Variants in MTA3 observed in about 807,000 individuals in gnomAD.
The protein encoded by MTA3 is metastasis associated 1 family member 3.
In MTA3, 34 loss-of-function variants were observed where a neutral mutation model predicts 83.5. The observed-to-expected ratio is 0.41, with a 90% CI of 0.31 to 0.54. MTA3 has a LOEUF of 0.54. Among genes scored for constraint, MTA3 ranks in the 20% least tolerant of loss-of-function variants. MTA3 has a pLI of 0.33. For synonymous variants in MTA3, 303 were observed against 252.7 expected (o/e 1.20, Z -1.89); for missense variants, 761 against 726.4 (o/e 1.05, Z -0.55).
At chr2:42,643,972 C>T (rs926558748) in intron 5 of MTA3, among the ~76,000 whole-genome samples, 155 bp from the exon 6 acceptor site, 1 of 152,162 alleles carries the variant, frequency 6.6e-6, no homozygotes, top group Non-Finnish European at 1.5e-5. Context: ...GACGGTAACA[C>T]CATGCTCTCC....
chr2:42,751,962 T>A (rs996502254), intron 16 of MTA3, among the ~76,000 whole-genome samples: 2 of 152,138 alleles, frequency 1.3e-5, no homozygotes, highest in Non-Finnish European at 2.9e-5. Flanking sequence ...AGCAGCTTGG[T>A]GTAGTAGGAA....
chr2:42,596,777 C>T (rs1365486005), intron 3 of MTA3, among the ~76,000 whole-genome samples: 2 of 152,158 alleles, frequency 1.3e-5, no homozygotes, highest in Non-Finnish European at 2.9e-5. Flanking sequence ...TGGAAGAATA[C>T]AGGCTCATGT....
rs960334457 is a variant in MTA3 at position 42,545,261 on chromosome 2, G to T, written c.-140-25176G>T. Among the ~76,000 whole-genome samples the T allele has an allele frequency of 3.9e-5, 6 of 152,176 alleles. No individual in the cohort carries two copies. The South Asian group carries it at 1.2e-3, about 32-fold the overall frequency. ...GGTATGGTGGCACACGCCTGTACTC[G>T]CAGCTACTTGGGAGGCTGGGGTGAG... On this transcript the variant is annotated intron_variant, in intron 2 of 17. Transcript: ENST00000405592.
chr2:42,703,967 T>G (rs1665838263), intron 11 of MTA3: 1 of 427,396 alleles, frequency 2.3e-6, no homozygotes, highest in Non-Finnish European at 4.3e-6. Context: ...CAGTATTTAC[T>G]TCGTGAATGT....
chr2:42,711,815 T>TGTGTGTGTGTGTGTGTGTGTGTG (rs1558610257), intron 14 of MTA3, among the ~76,000 whole-genome samples: 2 of 151,496 alleles, frequency 1.3e-5, no homozygotes, highest in African/African-American at 4.9e-5. Flanking sequence ...TGTGTGTGTG[T>TGTGTGTGTGTGTGTGTGTGTGTG]TTTCCAGTAA....
intron 4 of MTA3, among the ~76,000 whole-genome samples, chr2:42,626,194 C>A (rs1009720339): frequency 3.3e-5 from 5 of 151,028 alleles, no homozygotes; most frequent in Non-Finnish European, 7.4e-5. Context: ...CTGCCCGCCT[C>A]GGCCTCCCAA....
At chr2:42,656,164 C>G in intron 6 of MTA3, 36 bp from the exon 7 acceptor site, 1 of 1,468,438 alleles carries the variant, frequency 6.8e-7, no homozygotes, top group Non-Finnish European at 9.5e-7. Flanking sequence ...TATGCCTTGT[C>G]AGTAACAAGA....
chr2:42,634,724 C>T (rs1020127513), intron 4 of MTA3, among the ~76,000 whole-genome samples: 3 of 151,946 alleles, frequency 2.0e-5, no homozygotes, highest in African/African-American at 4.8e-5. Context: ...CCAAGGCAGT[C>T]ATTTGCTTGG....
chr2:42,651,325 CT>C (rs1688696946), intron 6 of MTA3, among the ~76,000 whole-genome samples: 1 of 152,182 alleles, frequency 6.6e-6, no homozygotes, highest in Non-Finnish European at 1.5e-5. Context: ...TTAGGCTATA[CT>C]AATTTTATTT....
At chr2:42,602,271 C>T (rs1236203761) in intron 3 of MTA3, among the ~76,000 whole-genome samples, 1 of 152,186 alleles carries the variant, frequency 6.6e-6, no homozygotes, top group African/African-American at 2.4e-5. Flanking sequence ...GCCACCATAC[C>T]CAGCCTTAGT....
chr2:42,663,008 G>A lies in MTA3; in HGVS notation c.702+3146G>A, dbSNP rs183074802. Reference sequence around the variant, plus strand: ...CCTCCCAGAGTTGCTGGGATTACAGGTGTGAGCCACTGTGCCTGGCCGGAT... The same window carrying A: ...CCTCCCAGAGTTGCTGGGATTACAGATGTGAGCCACTGTGCCTGGCCGGAT... On this transcript the variant is annotated intron_variant, in intron 8 of 16. Transcript: ENST00000405094. 2.5e-3 allele frequency among the ~76,000 whole-genome samples: 382 copies of A among 152,170 alleles called. 2 individuals are homozygous for A. Among genetic ancestry groups the A allele is most frequent in the Non-Finnish European group, 2.4e-3 (163 of 68,002 alleles).
At chr2:42,593,316 A>G (rs1474304426) in intron 3 of MTA3, among the ~76,000 whole-genome samples, 2 of 150,268 alleles carry the variant, frequency 1.3e-5, no homozygotes, top group African/African-American at 4.9e-5. Context: ...GTGCTACTGC[A>G]CTCCAGCCTG....
chr2:42,736,384 C>G (rs556045223), intron 16 of MTA3, among the ~76,000 whole-genome samples: 62 of 152,330 alleles, frequency 4.1e-4, no homozygotes, highest in African/African-American at 1.4e-3. Context: ...TGTGTCAGAC[C>G]TGAAGCCAAC....
At chr2:42,633,805 C>T (rs1455562950) in intron 4 of MTA3, among the ~76,000 whole-genome samples, 1 of 150,742 alleles carries the variant, frequency 6.6e-6, no homozygotes, top group Non-Finnish European at 1.5e-5. Context: ...AGGAGAATGG[C>T]GTGTACCCGG....
chr2:42,601,379 A>C (rs75750281), intron 3 of MTA3, among the ~76,000 whole-genome samples: 3 of 152,154 alleles, frequency 2.0e-5, no homozygotes, highest in Non-Finnish European at 4.4e-5. Flanking sequence ...TGTGTAGTCT[A>C]TCCAATACGC....
chr2:42,673,043 T>A (rs995989139), intron 8 of MTA3, among the ~76,000 whole-genome samples: 1 of 151,792 alleles, frequency 6.6e-6, no homozygotes, highest in Non-Finnish European at 1.5e-5. Context: ...GATGGTGTTT[T>A]GCCATGTTGA....
chr2:42,671,453 A>G (rs1573559555), intron 8 of MTA3, among the ~76,000 whole-genome samples: 1 of 151,992 alleles, frequency 6.6e-6, no homozygotes, highest in Admixed American at 6.6e-5. Flanking sequence ...AAAGTGGTAC[A>G]TATTCTGTTT....
At chr2:42,628,203 T>C (rs1686310411) in intron 4 of MTA3, among the ~76,000 whole-genome samples, 1 of 142,148 alleles carries the variant, frequency 7.0e-6, no homozygotes, top group South Asian at 2.4e-4. Context: ...TTTCTTCTTA[T>C]CGTTTTATTT....
intron 3 of MTA3, among the ~76,000 whole-genome samples, chr2:42,581,042 C>T (rs964272368): frequency 6.6e-6 from 1 of 152,234 alleles, no homozygotes; most frequent in African/African-American, 2.4e-5. Flanking sequence ...TTTAGCCAGG[C>T]AAGTTAGTTG....
Sources: allele counts gnomAD v4.1 joint callset (sites outside exome capture counted in the v4.1 genomes callset), GRCh38; gene constraint gnomAD v4.1.1; transcripts MANE v1.5; gene names NCBI Gene and HGNC (gene_info 2026-07-23, HGNC 2026-07-21).